GRM1: variants seen among roughly 807,000 people sequenced by gnomAD.
The protein encoded by GRM1 is glutamate metabotropic receptor 1.
In GRM1, 33 loss-of-function variants were observed where a neutral mutation model predicts 90.9. That is an observed-to-expected ratio of 0.36 (90% CI 0.28 to 0.49). The LOEUF (loss-of-function observed/expected upper bound fraction) is 0.49, where lower values mean the gene tolerates loss of function less well. GRM1 is among the 20% of genes least tolerant of loss of function. The probability of loss-of-function intolerance (pLI) is 0.99; values close to 1 mark genes in which losing one functional copy is unlikely to be tolerated. For missense variants in GRM1, 1,190 were observed against 1,534.3 expected (o/e 0.78, Z 3.75); for synonymous variants, 700 against 613.2 (o/e 1.14, Z -2.09).
At chr6:146,295,289 T>C (rs991879697) in intron 2 of GRM1, among the ~76,000 whole-genome samples, 1 of 152,138 alleles carries the variant, frequency 6.6e-6, no homozygotes, top group Non-Finnish European at 1.5e-5. Flanking sequence ...AATGGTATGA[T>C]CTTGGCTCAC....
intron 1 of GRM1, among the ~76,000 whole-genome samples, chr6:146,088,758 T>G (rs1349774753): frequency 6.6e-6 from 1 of 152,120 alleles, no homozygotes; most frequent in Non-Finnish European, 1.5e-5. Context: ...CCCATCACAG[T>G]AGCTGCCCCC....
In GRM1 at chr6:146,032,381, T is replaced by C. The variant is rs1790738190; in HGVS notation, c.700+2164T>C. ...CAAAGGGAATTAGTTACTTCTCTTA[T>C]TAAACGTAACATCTGTAAAAACTAA... is the stretch of plus-strand genomic sequence containing the variant. On this transcript the variant is annotated intron_variant, in intron 1 of 7. Transcript: ENST00000282753. Among the ~76,000 whole-genome samples the C allele has an allele frequency of 1.3e-5, 2 of 152,198 alleles. 1 individual carries two copies. The highest frequency in any genetic ancestry group is 4.1e-4 in the South Asian group (2 of 4,830).
At chr6:146,098,731 C>G (rs1281557269) in intron 1 of GRM1, among the ~76,000 whole-genome samples, 2 of 151,978 alleles carry the variant, frequency 1.3e-5, no homozygotes, top group Non-Finnish European at 2.9e-5. Context: ...ATGGGGGTGG[C>G]TACACTCATG....
intron 7 of GRM1, among the ~76,000 whole-genome samples, chr6:146,417,162 C>T (rs1321471934): frequency 1.3e-4 from 20 of 152,126 alleles, no homozygotes; most frequent in Admixed American, 1.3e-3. Context: ...TCAAAAATTC[C>T]AAGGGGAAAA....
At chr6:146,376,862 A>C (rs1011060964) in intron 5 of GRM1, among the ~76,000 whole-genome samples, 1 of 152,060 alleles carries the variant, frequency 6.6e-6, no homozygotes, top group African/African-American at 2.4e-5. Flanking sequence ...CATGGGAGGG[A>C]CCAAGTGGGA....
At chr6:146,389,987 A>G (rs1422338800) in intron 6 of GRM1, among the ~76,000 whole-genome samples, 2 of 152,018 alleles carry the variant, frequency 1.3e-5, no homozygotes, top group Non-Finnish European at 2.9e-5. Flanking sequence ...AAATGAGAAA[A>G]CCTATGAGAA....
chr6:146,368,461 G>GA (rs1199323637), intron 5 of GRM1, among the ~76,000 whole-genome samples: 1 of 151,986 alleles, frequency 6.6e-6, no homozygotes, highest in African/African-American at 2.4e-5. Flanking sequence ...TATCTTAGAA[G>GA]AAAAAGATTT....
chr6:146,221,061 G>T (rs1178343905), intron 2 of GRM1, among the ~76,000 whole-genome samples: 1 of 151,906 alleles, frequency 6.6e-6, no homozygotes, highest in Non-Finnish European at 1.5e-5. Flanking sequence ...AAAAGCAATG[G>T]GGACTTGCTG....
chr6:146,286,014 T>C (rs982395609), intron 2 of GRM1, among the ~76,000 whole-genome samples: 2 of 152,192 alleles, frequency 1.3e-5, no homozygotes, highest in African/African-American at 4.8e-5. Context: ...TATCCAAATG[T>C]TGAGCTTCCC....
At chr6:146,169,671 T>C (rs1778030404) in intron 2 of GRM1, among the ~76,000 whole-genome samples, 3 of 152,198 alleles carry the variant, frequency 2.0e-5, no homozygotes, top group Admixed American at 2.0e-4. Flanking sequence ...CCCGCCCTGT[T>C]CTGCAGCCTA....
chr6:146,253,021 C>G (rs56911408), intron 2 of GRM1, among the ~76,000 whole-genome samples: 14,399 of 151,916 alleles, frequency 0.095, 1,812 homozygotes, highest in African/African-American at 0.28. Flanking sequence ...GATTGTGACA[C>G]TGTGCTCCAG....
At chr6:146,328,632 T>A (rs973962802) in intron 3 of GRM1, among the ~76,000 whole-genome samples, 7 of 152,218 alleles carry the variant, frequency 4.6e-5, no homozygotes, top group African/African-American at 1.7e-4. Context: ...ATTTTACTTA[T>A]CTAATCATGA....
At chr6:146,309,465 G>T (rs890400472) in intron 3 of GRM1, among the ~76,000 whole-genome samples, 1 of 150,984 alleles carries the variant, frequency 6.6e-6, no homozygotes, top group Admixed American at 6.6e-5. Context: ...TCCTACTAAC[G>T]CTGCTTGAAA....
chr6:146,329,233 A>G (rs1274970157), intron 3 of GRM1, among the ~76,000 whole-genome samples: 1 of 152,232 alleles, frequency 6.6e-6, no homozygotes, highest in Non-Finnish European at 1.5e-5. Context: ...GAACGAATGG[A>G]AAAGAGATGA....
chr6:146,199,596 G>GTT lies in GRM1; in HGVS notation c.950+40000_950+40001dup, dbSNP rs1196914121. On this transcript the variant is annotated intron_variant, in intron 2 of 7. Coordinates refer to ENST00000282753, the MANE Select transcript of GRM1 (RefSeq NM_001278064.2). ...TCAGACTCACTGTATTCCTAGCAGAGTTATACTGGGATGTAGCCTATTATC... is the reference window on the plus strand; with the variant it reads ...TCAGACTCACTGTATTCCTAGCAGAGTTTTATACTGGGATGTAGCCTATTATC... 2.0e-5 allele frequency among the ~76,000 whole-genome samples: 3 copies of GTT among 152,162 alleles called. No individual in the cohort carries two copies. The East Asian group carries it at 5.8e-4, about 29-fold the overall frequency.
In GRM1 at chr6:146,398,841, G is replaced by T; in HGVS notation, c.1802G>T (p.Cys601Phe). ...TCCATTATAGCCATCGCCTTTTCAT[G>T]CCTGGGAATCCTTGTTACCTTGTTT... ...IESIIAIAFS[C>F]LGILVTLFVT... The change falls in exon 7 of 8, where the codon TGC (cysteine) becomes TTC (phenylalanine). Residue 601 changes from cysteine (C) to phenylalanine (F), a missense_variant. This residue lies in a region of GRM1 where 414 missense variants were observed against 598.4 expected (regional missense o/e 0.69). Coordinates refer to ENST00000282753, the MANE Select transcript of GRM1 (RefSeq NM_001278064.2). The T allele has an allele frequency of 6.2e-7, 1 of 1,613,798 alleles. No homozygotes were observed. Among genetic ancestry groups the T allele is most frequent in the Non-Finnish European group, 8.5e-7 (1 of 1,179,774 alleles).
At chr6:146,225,371 T>C (rs1031229717) in intron 2 of GRM1, among the ~76,000 whole-genome samples, 5 of 152,146 alleles carry the variant, frequency 3.3e-5, no homozygotes, top group African/African-American at 9.6e-5. Flanking sequence ...CACAGTATAA[T>C]AATCTCCAGG....
At chr6:146,379,458 G>A (rs1314232363) in intron 5 of GRM1, among the ~76,000 whole-genome samples, 1 of 152,034 alleles carries the variant, frequency 6.6e-6, no homozygotes, top group Non-Finnish European at 1.5e-5. Context: ...AAATTTATCT[G>A]ATAGAATTCT....
chr6:146,392,935 A>T (rs1236419872), intron 6 of GRM1, among the ~76,000 whole-genome samples: 2 of 152,090 alleles, frequency 1.3e-5, no homozygotes, highest in African/African-American at 4.8e-5. Flanking sequence ...CTAGTCTATC[A>T]TTGTGGGCAT....
Sources: allele counts gnomAD v4.1 joint callset (sites outside exome capture counted in the v4.1 genomes callset), GRCh38; gene constraint gnomAD v4.1.1; regional missense constraint gnomAD v4.1.1; transcripts MANE v1.5; gene names NCBI Gene and HGNC (gene_info 2026-07-23, HGNC 2026-07-21).